The following JKAMP variants were observed in gnomAD, a reference collection of about 807,000 sequenced individuals.
JKAMP encodes JNK1/MAPK8 associated membrane protein.
In JKAMP, 20 loss-of-function variants were observed where a neutral mutation model predicts 40.2. The observed-to-expected ratio is 0.50, with a 90% CI of 0.35 to 0.72. The LOEUF is 0.72. Ranked by LOEUF, JKAMP falls within the 30% of genes least tolerant of loss-of-function variation. The pLI is 0.01. For synonymous variants in JKAMP, 138 were observed against 131.6 expected (o/e 1.05, Z -0.33); for missense variants, 276 against 373.0 (o/e 0.74, Z 2.14).
At chr14:59,490,779 G>A (rs1566575885) in intron 3 of JKAMP, among the ~76,000 whole-genome samples, 1 of 152,174 alleles carries the variant, frequency 6.6e-6, no homozygotes, top group Non-Finnish European at 1.5e-5. Context: ...GGTGAGAAAG[G>A]AGATATGACA....
At chr14:59,499,301 G>A (rs1269945) in intron 5 of JKAMP, among the ~76,000 whole-genome samples, 1 of 151,604 alleles carries the variant, frequency 6.6e-6, no homozygotes, top group Middle Eastern at 3.4e-3. Context: ...AGTTCATGAC[G>A]AAATTAAAAT....
At position 59,495,234 on chromosome 14, in the gene JKAMP, T is replaced by C. The variant is rs549824957; in HGVS notation, c.458+10T>C. Reference sequence around the variant, plus strand: ...AAGCCGTCTACCCACTGTAAGTGTTTATTTCGACTTAAGATCATTGTTTTT... The same window carrying C: ...AAGCCGTCTACCCACTGTAAGTGTTCATTTCGACTTAAGATCATTGTTTTT... On this transcript the variant is annotated intron_variant, in intron 4 of 6. Transcript: ENST00000616435. The C allele has an allele frequency of 3.2e-6, 5 of 1,555,884 alleles. No individual in the cohort carries two copies. The East Asian group carries it at 9.0e-5, about 28-fold the overall frequency.
chr14:59,484,800 G>A, intron 1 of JKAMP: 1 of 912,206 alleles, frequency 1.1e-6, no homozygotes, highest in Non-Finnish European at 1.6e-6. Context: ...GAGGCGCGCT[G>A]TCTGCGGCGA....
intron 3 of JKAMP, among the ~76,000 whole-genome samples, chr14:59,489,829 G>C (rs560299227): frequency 6.6e-6 from 1 of 152,312 alleles, no homozygotes; most frequent in South Asian, 2.1e-4. Flanking sequence ...ACCAGTGTGA[G>C]AGGAGGCAGG....
chr14:59,485,070 A>G, intron 1 of JKAMP: 6 of 1,598,476 alleles, frequency 3.8e-6, no homozygotes, highest in Non-Finnish European at 5.1e-6. Context: ...CGCTAAAGGA[A>G]ATGAAAGGAG....
chr14:59,495,291 A>G, intron 4 of JKAMP, 67 bp downstream of exon 4: 1 of 1,291,228 alleles, frequency 7.7e-7, no homozygotes, highest in Non-Finnish European at 1.1e-6. Context: ...TATAGATTTT[A>G]TGGCGTTTGG....
In JKAMP at chr14:59,504,151, C is replaced by A; in HGVS notation, c.*79C>A. ...AATCAATCTTAACAGTGTATGAGAA[C>A]TATTCTATCATATATGGGAACAAGA... On this transcript the variant is annotated 3_prime_UTR_variant, in exon 7 of 7. Coordinates refer to ENST00000616435, the MANE Select transcript of JKAMP (RefSeq NM_016475.5). 1.2e-6 allele frequency: 1 copy of A among 806,326 alleles called. No homozygotes were observed. The highest frequency in any genetic ancestry group is 2.1e-6 in the Non-Finnish European group (1 of 486,748). The allele number at this position is 806,326 out of a possible 1,614,324, so 49.9% of individuals were successfully genotyped here.
Position 59,498,840 on chromosome 14 carries a change from G to A in JKAMP, c.572G>A (p.Ser191Asn). The A allele has an allele frequency of 6.2e-7, 1 of 1,612,862 alleles. No individual in the cohort carries two copies. The highest frequency in any genetic ancestry group is 1.3e-5 in the African/African-American group (1 of 74,974). ...TTAGGGAAATCTGATCGATTTAAAA[G>A]TATTTATGCTGCACTTTACTTCTTC... ...CGLGKSDRFKSIYAALYFFPI... is the reference protein window; with the variant it reads ...CGLGKSDRFKNIYAALYFFPI... Residue 191 changes from serine (S) to asparagine (N), a missense_variant, in exon 5 of 7, where the codon AGT becomes AAT. Transcript: ENST00000616435.
At chr14:59,500,979 G>A (rs932666912) in intron 5 of JKAMP, 7 of 479,936 alleles carry the variant, frequency 1.5e-5, no homozygotes, top group Non-Finnish European at 2.2e-5. Flanking sequence ...CTGGGTAATC[G>A]AGACAGAGAA....
At position 59,498,781 on chromosome 14, in the gene JKAMP, C is replaced by T. The variant is rs759389318; in HGVS notation, c.513C>T (p.Leu171=). ...YAFCLVLMML[L]RPLLVKKIAC... is the part of the protein sequence containing the mutation. ...TCTGCTTGGTATTAATGATGCTGCT[C>T]CGACCTCTTCTGGTGAAGAAGATTG... The change falls in exon 5 of 7, where the codon CTC becomes CTT. Residue 171 remains leucine, a synonymous_variant. Coordinates refer to ENST00000616435, the MANE Select transcript of JKAMP (RefSeq NM_016475.5). 2.5e-6 allele frequency: 4 copies of T among 1,606,086 alleles called. No individual in the cohort carries two copies. Among genetic ancestry groups the T allele is most frequent in the Non-Finnish European group, 3.4e-6 (4 of 1,173,362 alleles).
chr14:59,487,111 G>T, intron 2 of JKAMP: 1 of 188,050 alleles, frequency 5.3e-6, no homozygotes, highest in Non-Finnish European at 1.1e-5. Context: ...GCTGAGACAG[G>T]AGAATTGCTT....
At chr14:59,485,003 G>C (rs1165483409) in intron 1 of JKAMP, 2 of 1,583,958 alleles carry the variant, frequency 1.3e-6, no homozygotes, top group Admixed American at 1.8e-5. Flanking sequence ...TATAGCGCCC[G>C]TCACAAAGGG....
intron 6 of JKAMP, among the ~76,000 whole-genome samples, chr14:59,501,950 G>C (rs1256773863): frequency 6.6e-6 from 1 of 151,934 alleles, no homozygotes; most frequent in Non-Finnish European, 1.5e-5. Context: ...GTAGTCACTG[G>C]GTAGAATAGA....
chr14:59,484,619 A>C, intron 1 of JKAMP, 26 bp downstream of exon 1: 1 of 1,577,178 alleles, frequency 6.3e-7, no homozygotes, highest in Non-Finnish European at 8.6e-7. Flanking sequence ...GATCCCGGGA[A>C]GCGTTTCTGG....
At chr14:59,493,500 A>C (rs113914156) in intron 3 of JKAMP, among the ~76,000 whole-genome samples, 95 of 152,364 alleles carry the variant, frequency 6.2e-4, no homozygotes, top group African/African-American at 2.2e-3. Context: ...CAAGCCACTA[A>C]GTATTGAGGT....
At chr14:59,494,982 A>T (rs755537053) in intron 3 of JKAMP, 36 bp from the exon 4 acceptor site, 2 of 1,491,826 alleles carry the variant, frequency 1.3e-6, no homozygotes, top group Middle Eastern at 3.4e-4. Context: ...AAATATTGCA[A>T]TTTTTCTAGT....
chr14:59,505,183 A>G lies in JKAMP; in HGVS notation c.*1111A>G, dbSNP rs1163597644. On this transcript the variant is annotated 3_prime_UTR_variant, in exon 7 of 7. Transcript: ENST00000616435. ...AGCTGCAAAATATGAAAGTAAGTGC[A>G]CTCACTTTTCCTGTAGTAGTCTGTC... 5.7e-6 allele frequency: 5 copies of G among 879,100 alleles called. No homozygotes were observed. In the African/African-American group the frequency reaches 6.8e-5, roughly 12 times the overall value. 54.5% of individuals were successfully genotyped at this position (879,100 alleles called of 1,614,324 possible).
intron 3 of JKAMP, among the ~76,000 whole-genome samples, chr14:59,489,682 C>G (rs1890841750): frequency 6.6e-6 from 1 of 152,106 alleles, no homozygotes; most frequent in Non-Finnish European, 1.5e-5. Flanking sequence ...AAAGGAATAC[C>G]TGAGACTGGG....
chr14:59,501,373 A>C, intron 6 of JKAMP, 106 bp downstream of exon 6: 1 of 697,398 alleles, frequency 1.4e-6, no homozygotes, highest in Non-Finnish European at 2.3e-6. Context: ...TGTTTTAGTA[A>C]TCTTTGGCTG....
Sources: gnomAD v4.1 joint callset for allele counts (sites outside exome capture counted in the v4.1 genomes callset) on GRCh38, gnomAD v4.1.1 for gene constraint, MANE v1.5 for transcripts, NCBI Gene and HGNC (gene_info 2026-07-23, HGNC 2026-07-21) for gene names.